PDE4C: variants seen among roughly 807,000 people sequenced by gnomAD.
The protein encoded by PDE4C is phosphodiesterase 4C.
Under a neutral mutation model 63.9 loss-of-function variants are expected in PDE4C, and 50 were observed. That is an observed-to-expected ratio of 0.78 (90% CI 0.62 to 0.99). PDE4C has a LOEUF of 0.99. Among genes scored for constraint, PDE4C ranks in the 50% least tolerant of loss-of-function variants. The pLI, the probability that PDE4C is intolerant of heterozygous loss-of-function variation, is 0.00. For synonymous variants in PDE4C, 377 were observed against 385.1 expected, an observed-to-expected ratio of 0.98 and a Z score of 0.25; for missense variants, 777 against 899.1, an observed-to-expected ratio of 0.86 and a Z score of 1.74.
exon 9 of PDE4C, chr19:18,218,985 T>A: frequency 6.2e-7 from 1 of 1,613,666 alleles, no homozygotes. Flanking sequence ...GGTTCCCACT[T>A]AGCTCCGCCA....
chr19:18,216,849 G>A (rs773285462), exon 12 of PDE4C: 2 of 1,614,068 alleles, frequency 1.2e-6, no homozygotes, highest in African/African-American at 1.3e-5. Context: ...CCAGGTGATG[G>A]TTCTCCAGCA....
At position 18,218,381 on chromosome 19, in the gene PDE4C, C is replaced by T. The variant is rs374321161; in HGVS notation, c.1087G>A (p.Asp363Asn). The T allele has an allele frequency of 2.0e-5, 32 of 1,614,132 alleles. No individual in the cohort carries two copies. Among genetic ancestry groups the T allele is most frequent in the African/African-American group, 6.7e-5 (5 of 74,954 alleles). The change falls in exon 10 of 15, where the codon GAC becomes AAC. Residue 363 changes from aspartate (D) to asparagine (N), a missense_variant. Physicochemically the swap from Asp to Asn is conservative, Grantham distance 23. Coordinates refer to ENST00000262805, the Ensembl canonical transcript of PDE4C. ...AGCACATGCGTGGACTGGGCCACGT[C>T]GGCGGCATGTAGGCTGTTGTGGTAG...
chr19:18,250,911 C>G (rs1969222251), upstream of PDE4C, among the ~76,000 whole-genome samples: 1 of 151,502 alleles, frequency 6.6e-6, no homozygotes, highest in Admixed American at 6.6e-5. Flanking sequence ...GTAGCTGAGA[C>G]TACAAGTGTG....
rs748870873 is a variant in PDE4C at position 18,242,475 on chromosome 19, C to CAAAAA, written c.-210+5691_-210+5695dup. Among the ~76,000 whole-genome samples, 30 of 29,816 alleles carry CAAAAA rather than the reference C, an allele frequency of 1.0e-3. 4 individuals carry two copies. The highest frequency in any genetic ancestry group is 2.5e-3 in the African/African-American group (18 of 7,110). 19.6% of individuals were successfully genotyped at this position (29,816 alleles called of 152,430 possible). On this transcript the variant is annotated intron_variant, in intron 1 of 15. Transcript: ENST00000594617. ...TGGGCAACAAAGGGAGACTCCATCT[C>CAAAAA]AAAAAAAAAAAAAAAAAAAAAAAAA...
exon 11 of PDE4C, chr19:18,218,232 A>G: frequency 1.9e-6 from 3 of 1,614,222 alleles, no homozygotes; most frequent in Non-Finnish European, 2.5e-6. Context: ...CAGGATTTCC[A>G]AGTCTGTGAA....
chr19:18,244,598 C>T (rs76494269), intron 1 of PDE4C, among the ~76,000 whole-genome samples: 2 of 151,870 alleles, frequency 1.3e-5, no homozygotes, highest in East Asian at 1.9e-4. Flanking sequence ...CCGCAACCTC[C>T]GCCTCCTGGG....
intron 1 of PDE4C, among the ~76,000 whole-genome samples, chr19:18,231,578 TG>T (rs1968848807): frequency 6.6e-6 from 1 of 152,064 alleles, no homozygotes; most frequent in Non-Finnish European, 1.5e-5. Flanking sequence ...GGCTTGCTGA[TG>T]GAGTCAGAAG....
At chr19:18,225,130 A>G (rs1968671590) in intron 1 of PDE4C, among the ~76,000 whole-genome samples, 1 of 152,144 alleles carries the variant, frequency 6.6e-6, no homozygotes, top group Non-Finnish European at 1.5e-5. Context: ...CGGCGGGGTC[A>G]GGCTGTGGTT....
chr19:18,209,698 TTC>T (rs200732605), downstream of PDE4C: 41,795 of 124,528 alleles, frequency 0.34, 5,866 homozygotes, highest in Non-Finnish European at 0.37. Flanking sequence ...TTTTTTTTTT[TTC>T]TTTTCTTTTT....
chr19:18,248,135 C>T (rs1001597171), intron 1 of PDE4C: 1 of 455,918 alleles, frequency 2.2e-6, no homozygotes, highest in Non-Finnish European at 4.4e-6. Flanking sequence ...CAAGAATAAG[C>T]TTGCTCCAGG....
chr19:18,223,125 C>A (rs947652208), intron 1 of PDE4C, among the ~76,000 whole-genome samples: 5 of 152,098 alleles, frequency 3.3e-5, no homozygotes, highest in African/African-American at 1.2e-4. Context: ...TCACTGCAAC[C>A]TCCACCTCCC....
At chr19:18,253,690 T>TC in the PDE4C span, among the ~76,000 whole-genome samples, 1 of 152,114 alleles carries the variant, frequency 6.6e-6, no homozygotes, top group Non-Finnish European at 1.5e-5. Flanking sequence ...AACCTCAACT[T>TC]TAATGGAAGA....
At chr19:18,229,102 ATTT>A (rs56379821), upstream of PDE4C, among the ~76,000 whole-genome samples, 9 of 124,548 alleles carry the variant, frequency 7.2e-5, no homozygotes, top group Non-Finnish European at 9.8e-5. Flanking sequence ...TGCCAAGCTA[ATTT>A]TTTTTTTTTT....
upstream of PDE4C, chr19:18,233,735 G>A (rs1464782962): frequency 3.0e-6 from 1 of 336,198 alleles, no homozygotes; most frequent in East Asian, 8.6e-5. Context: ...GAAGGCAGGG[G>A]AGGGAGACCG....
chr19:18,232,149 G>C (rs1968860471), intron 1 of PDE4C, among the ~76,000 whole-genome samples: 1 of 152,092 alleles, frequency 6.6e-6, no homozygotes, highest in South Asian at 2.1e-4. Context: ...AGGATTACTT[G>C]AGGCCAAGAG....
upstream of PDE4C, among the ~76,000 whole-genome samples, chr19:18,235,425 C>T (rs533179158): frequency 6.6e-6 from 1 of 152,290 alleles, no homozygotes; most frequent in East Asian, 1.9e-4. Context: ...CCCGTCTTGG[C>T]CTCCAAAAGT....
At chr19:18,232,909 C>T in intron 1 of PDE4C, 1 of 1,422,188 alleles carries the variant, frequency 7.0e-7, no homozygotes. Context: ...CCCGCGCGCC[C>T]CTCCCCCGCG....
At chr19:18,238,089 G>A (rs547059760), upstream of PDE4C, among the ~76,000 whole-genome samples, 11 of 152,198 alleles carry the variant, frequency 7.2e-5, no homozygotes, top group South Asian at 1.0e-3. Context: ...GCCAGGCATC[G>A]TGGTGTATGC....
chr19:18,224,294 ACC>A (rs1968627687), intron 1 of PDE4C: 4 of 985,404 alleles, frequency 4.1e-6, no homozygotes, highest in African/African-American at 3.5e-5. Context: ...GACAACCGGG[ACC>A]GCCTGAGACT....
Sources: gnomAD v4.1 joint callset for allele counts (sites outside exome capture counted in the v4.1 genomes callset) on GRCh38, gnomAD v4.1.1 for gene constraint, MANE v1.5 for transcripts, NCBI Gene and HGNC (gene_info 2026-07-23, HGNC 2026-07-21) for gene names.